Variants in FAR1 observed in about 807,000 individuals in gnomAD.
The protein encoded by FAR1 is fatty acyl-CoA reductase 1, also known as male sterility domain-containing protein 2.
A neutral mutation model predicts 61.1 loss-of-function variants in FAR1; 22 were observed. That is an observed-to-expected ratio of 0.36 (90% CI 0.26 to 0.51). The LOEUF (loss-of-function observed/expected upper bound fraction) is 0.51, where lower values mean the gene tolerates loss of function less well. FAR1 is among the 20% of genes least tolerant of loss of function. The pLI is 0.95. For synonymous variants in FAR1, 206 were observed against 209.7 expected, an observed-to-expected ratio of 0.98 and a Z score of 0.15; for missense variants, 359 against 626.9, an observed-to-expected ratio of 0.57 and a Z score of 4.56.
chr11:13,714,963 A>G (rs570495915), intron 9 of FAR1, among the ~76,000 whole-genome samples: 52 of 152,228 alleles, frequency 3.4e-4, no homozygotes, highest in Non-Finnish European at 4.7e-4. Flanking sequence ...TTTGACGCTT[A>G]TTTTTCCTAC....
chr11:13,719,664 T>C (rs1460117795), intron 9 of FAR1, among the ~76,000 whole-genome samples: 1 of 152,190 alleles, frequency 6.6e-6, no homozygotes, highest in African/African-American at 2.4e-5. Context: ...TCTGTGTACT[T>C]CTCAGCTGGA....
At chr11:13,715,647 G>C (rs1466610303) in intron 9 of FAR1, among the ~76,000 whole-genome samples, 1 of 152,070 alleles carries the variant, frequency 6.6e-6, no homozygotes, top group Non-Finnish European at 1.5e-5. Flanking sequence ...ATAATAAACA[G>C]AAAACTTTGT....
chr11:13,727,740 A>AT lies in FAR1; in HGVS notation c.1385+64dup. On this transcript the variant is annotated intron_variant, in intron 11 of 11. Coordinates refer to ENST00000354817, the MANE Select transcript of FAR1 (RefSeq NM_032228.6). The stretch of plus-strand genomic sequence containing the variant: ...TGTCTTCCTTATGAAATATTCCACA[A>AT]TTTTTTTGGTAAACTGGTATATTTG... 8.6e-6 allele frequency: 13 copies of AT among 1,507,194 alleles called. No individual in the cohort carries two copies. The South Asian group carries it at 9.1e-5, about 11-fold the overall frequency. 93.4% of individuals were successfully genotyped at this position (1,507,194 alleles called of 1,614,324 possible).
At chr11:13,695,277 A>G (rs2134180394) in intron 2 of FAR1, among the ~76,000 whole-genome samples, 1 of 152,308 alleles carries the variant, frequency 6.6e-6, no homozygotes, top group South Asian at 2.1e-4. Context: ...CTTGATAATA[A>G]TAGTAATTAG....
intron 3 of FAR1, among the ~76,000 whole-genome samples, chr11:13,700,899 A>G (rs543887221): frequency 6.6e-6 from 1 of 152,208 alleles, no homozygotes; most frequent in African/African-American, 2.4e-5. Context: ...AGGATAAGGA[A>G]AAATTGGTTA....
rs769767113 is a variant in FAR1, at chr11:13,731,252, C to T, written c.*2478C>T. On this transcript the variant is annotated 3_prime_UTR_variant, in exon 12 of 12. Transcript: ENST00000354817. ...CTTAGTGCAGAGAAGCTTGGCAGTA[C>T]GTTCTTTGACTTAAGGATGGCATAA... 2.0e-5 allele frequency: 3 copies of T among 152,518 alleles called. No individual in the cohort carries two copies. The highest frequency in any genetic ancestry group is 4.4e-5 in the Non-Finnish European group (3 of 67,996). 9.4% of individuals were successfully genotyped at this position (152,518 alleles called of 1,614,324 possible).
intron 1 of FAR1, among the ~76,000 whole-genome samples, chr11:13,689,854 C>A (rs1848228360): frequency 6.8e-6 from 1 of 148,120 alleles, no homozygotes; most frequent in East Asian, 2.0e-4. Context: ...AGCCCCTTTT[C>A]ATGTGCTGTC....
intron 3 of FAR1, among the ~76,000 whole-genome samples, chr11:13,705,988 CTA>C (rs1173721575): frequency 6.6e-6 from 1 of 152,160 alleles, no homozygotes; most frequent in Admixed American, 6.5e-5. Context: ...TGGATTCTAT[CTA>C]TGACATCTCC....
At chr11:13,712,901 A>G in intron 7 of FAR1, 65 bp from the exon 8 acceptor site, 1 of 1,284,916 alleles carries the variant, frequency 7.8e-7, no homozygotes, top group Non-Finnish European at 1.1e-6. Flanking sequence ...AATACTATGT[A>G]GGACTTAGAT....
At chr11:13,727,491 A>G in intron 10 of FAR1, 65 bp from the exon 11 acceptor site, 2 of 1,465,548 alleles carry the variant, frequency 1.4e-6, no homozygotes, top group Non-Finnish European at 1.8e-6. Flanking sequence ...AAAAAGTGTG[A>G]ATTTCTGACT....
chr11:13,689,348 G>T (rs1267422981), intron 1 of FAR1, among the ~76,000 whole-genome samples: 3 of 152,006 alleles, frequency 2.0e-5, no homozygotes, highest in Non-Finnish European at 4.4e-5. Flanking sequence ...AAGACTTTTG[G>T]CCGTAGATGT....
At chr11:13,689,136 A>G (rs1317462698) in intron 1 of FAR1, among the ~76,000 whole-genome samples, 1 of 152,256 alleles carries the variant, frequency 6.6e-6, no homozygotes, top group Non-Finnish European at 1.5e-5. Context: ...ACTAGGACAT[A>G]TGATCCCTGT....
At chr11:13,718,999 T>C (rs923750079) in intron 9 of FAR1, among the ~76,000 whole-genome samples, 2 of 151,836 alleles carry the variant, frequency 1.3e-5, no homozygotes, top group African/African-American at 4.8e-5. Context: ...AGGGTGAGTA[T>C]TCAGTGAGCA....
rs904453901 is a variant in FAR1 at position 13,670,712 on chromosome 11, G to A, written c.-8+1906G>A. Among the ~76,000 whole-genome samples, 5 of 147,780 alleles carry A rather than the reference G, an allele frequency of 3.4e-5. No individual in the cohort carries two copies. In the East Asian group the frequency reaches 9.7e-4, roughly 29 times the overall value. ...AGAATTTTGTAGCTAAGTAGCTTGA[G>A]GGTTTTTTTTTTTTTTTCACTCAGG... On this transcript the variant is annotated intron_variant, in intron 1 of 11. Coordinates refer to ENST00000354817, the MANE Select transcript of FAR1 (RefSeq NM_032228.6).
intron 4 of FAR1, among the ~76,000 whole-genome samples, chr11:13,708,998 A>G (rs1212041961): frequency 6.6e-6 from 1 of 152,218 alleles, no homozygotes; most frequent in African/African-American, 2.4e-5. Context: ...CAAGGTTCAG[A>G]CAAGAAAAAG....
chr11:13,673,061 G>A (rs1369231470), intron 1 of FAR1, among the ~76,000 whole-genome samples: 3 of 152,188 alleles, frequency 2.0e-5, no homozygotes, highest in Non-Finnish European at 4.4e-5. Context: ...TTTAGATATA[G>A]CTGATCAACT....
At chr11:13,712,354 A>G (rs1157677688) in intron 7 of FAR1, among the ~76,000 whole-genome samples, 1 of 152,064 alleles carries the variant, frequency 6.6e-6, no homozygotes, top group Non-Finnish European at 1.5e-5. Context: ...CTTGTTGAAT[A>G]TATAAAGAGC....
chr11:13,675,485 T>G (rs1462340516), intron 1 of FAR1, among the ~76,000 whole-genome samples: 1 of 152,236 alleles, frequency 6.6e-6, no homozygotes, highest in Non-Finnish European at 1.5e-5. Context: ...TATCTTTATC[T>G]TTTAGACTAC....
In FAR1 at chr11:13,700,352, T is replaced by G; in HGVS notation, c.225T>G (p.Phe75Leu). The G allele has an allele frequency of 1.9e-6, 3 of 1,592,926 alleles. No homozygotes were observed. Among genetic ancestry groups the G allele is most frequent in the South Asian group, 2.3e-5 (2 of 85,778 alleles). The change falls in exon 3 of 12, where the codon TTT (phenylalanine) becomes TTG (leucine). Residue 75 changes from phenylalanine (F) to leucine (L), a missense_variant. Physicochemically the swap from Phe to Leu is conservative, Grantham distance 22 (BLOSUM62 0). Around this residue, in one of 2 missense-constraint regions of FAR1, gnomAD observed 344 missense variants for 570.3 expected, o/e 0.60. Transcript: ENST00000354817. ...FDRLRDENPDFREKIIAINSE... is the reference protein window; with the variant it reads ...FDRLRDENPDLREKIIAINSE... ...GATTGAGAGATGAAAATCCAGATTT[T>G]AGAGAGAAAATTATAGCAATCAACA...
Sources: gnomAD v4.1 joint callset for allele counts (sites outside exome capture counted in the v4.1 genomes callset) on GRCh38, gnomAD v4.1.1 for gene constraint, gnomAD v4.1.1 regional missense constraint, MANE v1.5 for transcripts, NCBI Gene and HGNC (gene_info 2026-07-23, HGNC 2026-07-21) for gene names.